The following DNMT3A variants were observed in gnomAD, a reference collection of about 807,000 sequenced individuals.
DNMT3A encodes DNA (cytosine-5)-methyltransferase 3A.
DNMT3A carries 267 observed loss-of-function variants against 117.6 expected under a neutral mutation model. The observed-to-expected ratio is 2.27, with a 90% CI of 2.05 to 2.51. DNMT3A has a LOEUF of 2.51. Ranked by LOEUF, DNMT3A falls within the 30% of genes most tolerant of loss-of-function variation. The pLI, the probability that DNMT3A is intolerant of heterozygous loss-of-function variation, is 0.00. For synonymous variants in DNMT3A, 432 were observed against 474.8 expected (o/e 0.91, Z 1.17); for missense variants, 1,029 against 1,260.2 (o/e 0.82, Z 2.78).
In DNMT3A at chr2:25,233,652, C is replaced by T; in HGVS notation, c.*627G>A. On this transcript the variant is annotated 3_prime_UTR_variant, in exon 23 of 23. Transcript: ENST00000321117. ...TGCGTGACCAGGAATGGTGCTGGCA[C>T]GACAGCTCAGTGGCTGGGAGGGAAT... The T allele has an allele frequency of 4.3e-6, 1 of 231,974 alleles. No individual in the cohort carries two copies. Among genetic ancestry groups the T allele is most frequent in the Non-Finnish European group, 8.5e-6 (1 of 117,612 alleles). 14.4% of individuals were successfully genotyped at this position (231,974 alleles called of 1,614,324 possible).
chr2:25,311,090 G>A lies in DNMT3A; in HGVS notation c.72+2823C>T, dbSNP rs1002717267. 6.6e-6 allele frequency among the ~76,000 whole-genome samples: 1 copy of A among 151,190 alleles called. No individual in the cohort carries two copies. Among genetic ancestry groups the A allele is most frequent in the Non-Finnish European group, 1.5e-5 (1 of 67,740 alleles). ...GGAGACTCCAGGAAGTATGGGAGTG[G>A]GGCTGGAGTGAAAGGTGCATGGAGG... On this transcript the variant is annotated intron_variant, in intron 2 of 22. Transcript: ENST00000321117. This position sits in a 1 kb window ranked among gnomAD's most constrained non-coding sequence, Gnocchi z 5.2.
Position 25,230,790 on chromosome 2 carries a change from A to AGGGGGG in DNMT3A, c.*3483_*3488dup, listed in dbSNP as rs35486374. On this transcript the variant is annotated 3_prime_UTR_variant, in exon 23 of 23. Transcript: ENST00000321117. ...GTGATTGTTAACTCTCGTCCCTGCAAGGGGGGGGGGGGGGGGGCCATGACC... is the reference window on the plus strand; with the variant it reads ...GTGATTGTTAACTCTCGTCCCTGCAAGGGGGGGGGGGGGGGGGGGGGGGCCATGACC... The AGGGGGG allele has an allele frequency of 2.6e-5, 1 of 38,324 alleles. No individual in the cohort carries two copies. The highest frequency in any genetic ancestry group is 4.3e-5 in the Non-Finnish European group (1 of 23,328). 2.4% of individuals were successfully genotyped at this position (38,324 alleles called of 1,614,324 possible).
At position 25,247,934 on chromosome 2, in the gene DNMT3A, C is replaced by A. The variant is rs987110993; in HGVS notation, c.855+103G>T. 4 of 1,545,296 alleles carry A rather than the reference C, an allele frequency of 2.6e-6. No individual in the cohort carries two copies. Among genetic ancestry groups the A allele is most frequent in the African/African-American group, 1.4e-5 (1 of 72,834 alleles). On this transcript the variant is annotated intron_variant, in intron 7 of 22. Transcript: ENST00000321117. The surrounding 1 kb of genome is among the most constrained non-coding windows in gnomAD (Gnocchi z 5.6). The stretch of plus-strand genomic sequence containing the variant: ...GAGGCCCGGGGTCAGGTGGAGAGAG[C>A]GAGCGGCCCGTGGGAGATGGAGAGA...
rs1367571644 is a variant in DNMT3A at position 25,300,180 on chromosome 2, G to A, written c.136C>T (p.Arg46Trp). 1.2e-6 allele frequency: 2 copies of A among 1,612,856 alleles called. No individual in the cohort carries two copies. The highest frequency in any genetic ancestry group is 1.7e-6 in the Non-Finnish European group (2 of 1,180,002). ...EERQEPSTTA[R>W]KVGRPGRKRK... ...TTCCTCCCAGGCCGCCCCACCTTCC[G>A]TGCCGTGGTGCTGGGCTCTTGGCGC... Residue 46 changes from arginine (R) to tryptophan (W), a missense_variant, in exon 3 of 23, where the codon CGG becomes TGG. Transcript: ENST00000321117.
intron 2 of DNMT3A, among the ~76,000 whole-genome samples, chr2:25,312,773 C>T (rs567056362): frequency 4.6e-5 from 7 of 152,274 alleles, no homozygotes; most frequent in South Asian, 2.1e-4. Flanking sequence ...GAGCTGAGCA[C>T]GCAAGAGGGA....
chr2:25,280,340 G>A (rs909983243), intron 4 of DNMT3A, among the ~76,000 whole-genome samples: 13 of 24,146 alleles, frequency 5.4e-4, no homozygotes, highest in Admixed American at 1.5e-3. Context: ...CCCCCACCCC[G>A]GCAGCCACCT....
At chr2:25,319,843 C>T (rs2034528302) in intron 1 of DNMT3A, among the ~76,000 whole-genome samples, 1 of 151,696 alleles carries the variant, frequency 6.6e-6, no homozygotes, top group South Asian at 2.1e-4. Flanking sequence ...ATTCTCGGCT[C>T]ACCACAACCT....
At chr2:25,319,315 C>CT (rs1237498743) in intron 1 of DNMT3A, among the ~76,000 whole-genome samples, 95 of 148,962 alleles carry the variant, frequency 6.4e-4, no homozygotes, top group Middle Eastern at 3.4e-3. Context: ...CGCCCGGGGT[C>CT]TTTTTTTTTT....
chr2:25,247,159 CT>C lies in DNMT3A; in HGVS notation c.1015-2del, dbSNP rs762753119. On this transcript the variant is annotated splice_acceptor_variant, in intron 8 of 22. Transcript: ENST00000321117. LOFTEE classifies it high-confidence loss of function. This position sits in a 1 kb window ranked among gnomAD's most constrained non-coding sequence, Gnocchi z 5.6. ...GCGGCATCAGCTTCTCAACACACAC[CT>C]GGGGGGACAAGCCAGGCCTTGTTTG... The C allele has an allele frequency of 2.5e-6, 4 of 1,613,760 alleles. No homozygotes were observed. Among genetic ancestry groups the C allele is most frequent in the Non-Finnish European group, 2.5e-6 (3 of 1,179,814 alleles).
In DNMT3A at chr2:25,300,050, C is replaced by T. The variant is rs2033338711; in HGVS notation, c.177+89G>A. The T allele has an allele frequency of 3.6e-6, 5 of 1,378,492 alleles. No individual in the cohort carries two copies. The Admixed American group carries it at 8.4e-5, about 23-fold the overall frequency. The allele number at this position is 1,378,492 out of a possible 1,614,324, so 85.4% of individuals were successfully genotyped here. A position where few individuals can be genotyped will look rare whatever the true frequency, so the allele number is the denominator to read the frequency against. On this transcript the variant is annotated intron_variant, in intron 3 of 22. Transcript: ENST00000321117. The stretch of plus-strand genomic sequence containing the variant: ...ACCTGGTCTTAAATGTCTCCAGGTC[C>T]CTGCAGGACATACATCACTGCCATC...
intron 1 of DNMT3A, among the ~76,000 whole-genome samples, chr2:25,317,972 T>C (rs1156282665): frequency 6.6e-6 from 1 of 152,080 alleles, no homozygotes; most frequent in Admixed American, 6.5e-5. Flanking sequence ...CAATCTCAGG[T>C]GATCTGCCCA....
chr2:25,316,296 G>A (rs1287714059), intron 1 of DNMT3A, among the ~76,000 whole-genome samples: 2 of 152,354 alleles, frequency 1.3e-5, no homozygotes, highest in African/African-American at 4.8e-5. Flanking sequence ...GAACTTCACA[G>A]GGCATTGGCC....
intron 6 of DNMT3A, among the ~76,000 whole-genome samples, chr2:25,261,936 C>T (rs1676650695): frequency 6.6e-6 from 1 of 152,070 alleles, no homozygotes; most frequent in Non-Finnish European, 1.5e-5. Context: ...CCTGTAATCC[C>T]AGCACTTTGG....
At chr2:25,321,308 G>A (rs2034588768) in intron 1 of DNMT3A, among the ~76,000 whole-genome samples, 2 of 152,160 alleles carry the variant, frequency 1.3e-5, no homozygotes, top group East Asian at 1.9e-4. Context: ...TCCTTGCCAC[G>A]TGGTCCCCTT....
chr2:25,233,735 G>A lies in DNMT3A; in HGVS notation c.*544C>T. The A allele has an allele frequency of 4.9e-6, 1 of 203,366 alleles. No individual in the cohort carries two copies. The highest frequency in any genetic ancestry group is 6.8e-5 in the East Asian group (1 of 14,670). 12.6% of individuals were successfully genotyped at this position (203,366 alleles called of 1,614,324 possible). ...CCTGCTTGTGCTCCTATCTGATCAG[G>A]CTAGAGACAACAAAAAAAAGATATA... is the stretch of plus-strand genomic sequence containing the variant. On this transcript the variant is annotated 3_prime_UTR_variant, in exon 23 of 23. Transcript: ENST00000321117.
intron 1 of DNMT3A, among the ~76,000 whole-genome samples, chr2:25,316,771 C>T (rs771708283): frequency 1.8e-4 from 27 of 152,216 alleles, no homozygotes; most frequent in Non-Finnish European, 2.9e-4. Context: ...CCAAGGGCTG[C>T]ACAGCCACCA....
intron 1 of DNMT3A, among the ~76,000 whole-genome samples, chr2:25,335,248 C>G (rs1558750341): frequency 6.6e-6 from 1 of 152,230 alleles, no homozygotes; most frequent in Admixed American, 6.5e-5. Context: ...TTCCCCTTTA[C>G]CCATGCATTT....
intron 3 of DNMT3A, among the ~76,000 whole-genome samples, chr2:25,297,527 T>C (rs1242081430): frequency 6.6e-6 from 1 of 150,706 alleles, no homozygotes; most frequent in Non-Finnish European, 1.5e-5. Context: ...TTTTTTTTTT[T>C]TGAGACAGAG....
chr2:25,274,778 A>G (rs564425847), intron 6 of DNMT3A, among the ~76,000 whole-genome samples, 163 bp downstream of exon 6: 3 of 152,178 alleles, frequency 2.0e-5, no homozygotes, highest in East Asian at 1.9e-4. Flanking sequence ...TAAGTGTTCA[A>G]TAAGCATCTG....
Sources: gnomAD v4.1 joint callset for allele counts (sites outside exome capture counted in the v4.1 genomes callset) on GRCh38, gnomAD v4.1.1 for gene constraint, Gnocchi (gnomAD v3.1) non-coding constraint, MANE v1.5 for transcripts, NCBI Gene and HGNC (gene_info 2026-07-23, HGNC 2026-07-21) for gene names.